Variants in TAS2R1 observed in about 807,000 individuals in gnomAD.
TAS2R1 encodes taste 2 receptor member 1.
For missense variants in TAS2R1, 370 were observed against 353.4 expected, an observed-to-expected ratio of 1.05 and a Z score of -0.38; for synonymous variants, 141 against 134.2, an observed-to-expected ratio of 1.05 and a Z score of -0.35.
At chr5:9,707,111 C>T (rs1031345378) in intron 1 of TAS2R1, among the ~76,000 whole-genome samples, 2 of 152,114 alleles carry the variant, frequency 1.3e-5, no homozygotes, top group African/African-American at 4.8e-5. Context: ...GTCACTGCCC[C>T]AGAGCCAAGA....
At chr5:9,763,071 A>C in the TAS2R1 span, among the ~76,000 whole-genome samples, 1 of 152,252 alleles carries the variant, frequency 6.6e-6, no homozygotes, top group Non-Finnish European at 1.5e-5. Flanking sequence ...AGCATAAATT[A>C]ACTTTTTGCT....
chr5:9,660,225 ATTTTTTTTT>A (rs35208333), intron 1 of TAS2R1, among the ~76,000 whole-genome samples: 47 of 88,832 alleles, frequency 5.3e-4, no homozygotes, highest in South Asian at 1.8e-3. Flanking sequence ...CTCCCGGCTA[ATTTTTTTTT>A]TTTTTTTTTT....
At chr5:9,727,432 G>A in the TAS2R1 span, among the ~76,000 whole-genome samples, 1 of 152,192 alleles carries the variant, frequency 6.6e-6, no homozygotes, top group Non-Finnish European at 1.5e-5. Flanking sequence ...GAAACCAAGA[G>A]AGTAGACTTC....
intron 1 of TAS2R1, among the ~76,000 whole-genome samples, chr5:9,708,292 A>C (rs1232339383): frequency 6.6e-6 from 1 of 152,210 alleles, no homozygotes; most frequent in Admixed American, 6.5e-5. Context: ...TTGGTTCTCA[A>C]GTAAGAATCC....
At chr5:9,642,003 G>T (rs1740094499) in intron 2 of TAS2R1, 2 of 152,158 alleles carry the variant, frequency 1.3e-5, no homozygotes, top group African/African-American at 4.8e-5. Context: ...CCATTCACTT[G>T]CACTCATCTT....
rs1362183484 is a variant in TAS2R1, at chr5:9,629,741, A to T, written c.292T>A (p.Trp98Arg). ...TTGGCACAATAGAAAACGCCGAGCC[A>T]TGTGGCAAGCCAAAGTTCCAATTCA... Reference protein sequence around the residue: ...INELELWLATWLGVFYCAKVA... With the variant: ...INELELWLATRLGVFYCAKVA... Residue 98 changes from tryptophan (W) to arginine (R), a missense_variant, in exon 1 of 1, where the codon TGG (tryptophan) becomes AGG (arginine). Trp to Arg is a moderately radical substitution (Grantham distance 101). Coordinates refer to ENST00000382492, the MANE Select transcript of TAS2R1 (RefSeq NM_019599.3). 6 of 1,613,954 alleles carry T rather than the reference A, an allele frequency of 3.7e-6. No individual in the cohort carries two copies. The highest frequency in any genetic ancestry group is 5.1e-6 in the Non-Finnish European group (6 of 1,179,986).
upstream of TAS2R1, among the ~76,000 whole-genome samples, chr5:9,633,319 T>TATATATATATAC (rs1475834697): frequency 1.2e-4 from 16 of 137,516 alleles, no homozygotes; most frequent in African/African-American, 4.1e-4. Flanking sequence ...TATATATATA[T>TATATATATATAC]ACACAAATGT....
intron 1 of TAS2R1, among the ~76,000 whole-genome samples, chr5:9,696,477 G>A (rs1028443058): frequency 6.6e-6 from 1 of 151,980 alleles, no homozygotes; most frequent in African/African-American, 2.4e-5. Flanking sequence ...CAGGAGAATC[G>A]CTTGAACCCA....
At chr5:9,804,429 C>T in the TAS2R1 span, among the ~76,000 whole-genome samples, 9 of 152,152 alleles carry the variant, frequency 5.9e-5, no homozygotes, top group Admixed American at 5.9e-4. Context: ...TATCCAACAA[C>T]TGCAGAATAT....
At chr5:9,843,894 A>T in the TAS2R1 span, among the ~76,000 whole-genome samples, 3 of 152,190 alleles carry the variant, frequency 2.0e-5, no homozygotes, top group Non-Finnish European at 4.4e-5. Flanking sequence ...TTGCAGATAG[A>T]CAAAAAGCTA....
chr5:9,720,617 G>T, the TAS2R1 span, among the ~76,000 whole-genome samples: 1 of 152,186 alleles, frequency 6.6e-6, no homozygotes, highest in Non-Finnish European at 1.5e-5. Context: ...AAAGGGTGGG[G>T]AACTGCACCT....
the TAS2R1 span, among the ~76,000 whole-genome samples, chr5:9,794,790 G>A: frequency 0.012 from 1,894 of 152,204 alleles, 32 homozygotes; most frequent in African/African-American, 0.043. Context: ...CATTTGAAGG[G>A]AGAAAAAATT....
the TAS2R1 span, among the ~76,000 whole-genome samples, chr5:9,784,355 G>A: frequency 6.6e-6 from 1 of 152,192 alleles, no homozygotes; most frequent in Non-Finnish European, 1.5e-5. Flanking sequence ...CAACTGCTGG[G>A]TCTCCCTGAG....
chr5:9,742,914 C>T, the TAS2R1 span, among the ~76,000 whole-genome samples: 1 of 152,050 alleles, frequency 6.6e-6, no homozygotes, highest in African/African-American at 2.4e-5. Context: ...AAAAAGACAT[C>T]AGTCAGAGAA....
At chr5:9,714,994 G>T (rs1232205874), upstream of TAS2R1, among the ~76,000 whole-genome samples, 1 of 152,204 alleles carries the variant, frequency 6.6e-6, no homozygotes, top group African/African-American at 2.4e-5. Flanking sequence ...GAATTGATGT[G>T]GATTCTCCCT....
the TAS2R1 span, among the ~76,000 whole-genome samples, chr5:9,812,134 T>C: frequency 6.6e-6 from 1 of 151,994 alleles, no homozygotes; most frequent in South Asian, 2.1e-4. Context: ...TTTATCTGTA[T>C]TGTCCTTCAC....
rs1739826048 is a variant in TAS2R1, at chr5:9,629,472, C to T, written c.561G>A (p.Leu187=). The change falls in exon 1 of 1, where the codon TTG becomes TTA. Residue 187 remains leucine, a synonymous_variant. Coordinates refer to ENST00000382492, the MANE Select transcript of TAS2R1 (RefSeq NM_019599.3). Reference sequence around the variant, plus strand: ...GCAAAACAGCAAAAAGGAAGATAAGCAATGGCACTGAGAACTCAGCAACAA... The same window carrying T: ...GCAAAACAGCAAAAAGGAAGATAAGTAATGGCACTGAGAACTCAGCAACAA... ...FSFVAEFSVP[L]LIFLFAVLLL... The T allele has an allele frequency of 6.2e-7, 1 of 1,614,128 alleles. No homozygotes were observed. The highest frequency in any genetic ancestry group is 8.5e-7 in the Non-Finnish European group (1 of 1,180,020).
At chr5:9,874,012 A>G in the TAS2R1 span, among the ~76,000 whole-genome samples, 304 of 135,718 alleles carry the variant, frequency 2.2e-3, no homozygotes, top group East Asian at 0.013. Context: ...GAAAGGAAGG[A>G]AGGGAGGGAG....
chr5:9,657,535 G>A (rs939535366), intron 2 of TAS2R1, among the ~76,000 whole-genome samples: 8 of 152,166 alleles, frequency 5.3e-5, no homozygotes, highest in Admixed American at 2.0e-4. Flanking sequence ...AAACTGACAG[G>A]TGTGGTGTGG....
Sources: gnomAD v4.1 joint callset for allele counts (sites outside exome capture counted in the v4.1 genomes callset) on GRCh38, gnomAD v4.1.1 for gene constraint, MANE v1.5 for transcripts, NCBI Gene and HGNC (gene_info 2026-07-23, HGNC 2026-07-21) for gene names.